PEA15: variants seen among roughly 807,000 people sequenced by gnomAD.
PEA15 encodes astrocytic phosphoprotein PEA-15.
For synonymous variants in PEA15, 60 were observed against 61.8 expected, an observed-to-expected ratio of 0.97 and a Z score of 0.13; for missense variants, 77 against 161.3, an observed-to-expected ratio of 0.48 and a Z score of 2.83.
At position 160,213,659 on chromosome 1, in the gene PEA15, A is replaced by G. The variant is rs1238643697; in HGVS notation, c.*173A>G. 8.7e-6 allele frequency: 3 copies of G among 344,038 alleles called. No homozygotes were observed. In the East Asian group the frequency reaches 2.5e-4, roughly 28 times the overall value. 21.3% of individuals were successfully genotyped at this position (344,038 alleles called of 1,614,324 possible). A position where few individuals can be genotyped will look rare whatever the true frequency, so the allele number is the denominator to read the frequency against. On this transcript the variant is annotated 3_prime_UTR_variant, in exon 4 of 4. Coordinates refer to ENST00000360472, the MANE Select transcript of PEA15 (RefSeq NM_003768.5). The surrounding 1 kb of genome is among the most constrained non-coding windows in gnomAD (Gnocchi z 5.3). ...GCGCACGCTCTGGCTGTTTGTCTATATGTCTAGCTCATCTAGTTCCTCTTC... is the reference window on the plus strand; with the variant it reads ...GCGCACGCTCTGGCTGTTTGTCTATGTGTCTAGCTCATCTAGTTCCTCTTC...
At position 160,208,420 on chromosome 1, in the gene PEA15, C is replaced by G. The variant is rs1030275784; in HGVS notation, c.-3+2898C>G. The G allele has an allele frequency of 6.8e-6, 4 of 591,968 alleles. No homozygotes were observed. Among genetic ancestry groups the G allele is most frequent in the Non-Finnish European group, 1.2e-5 (4 of 333,502 alleles). 36.7% of individuals were successfully genotyped at this position (591,968 alleles called of 1,614,324 possible). On this transcript the variant is annotated intron_variant, in intron 1 of 3. Transcript: ENST00000360472. This position sits in a 1 kb window ranked among gnomAD's most constrained non-coding sequence, Gnocchi z 4.1. ...GGAAGAGGACTGACTTCCTGGCAGC[C>G]GGGGCTCCGGTTCCTGATTCCTGCC... is the stretch of plus-strand genomic sequence containing the variant.
Position 160,213,702 on chromosome 1 carries a change from A to AG in PEA15, c.*220dup. On this transcript the variant is annotated 3_prime_UTR_variant, in exon 4 of 4. Transcript: ENST00000360472. The surrounding 1 kb of genome is among the most constrained non-coding windows in gnomAD (Gnocchi z 5.3). ...TCCTCTTCTTAAGGGGATGGGGGTCAGGGGCTAGGGGAGGGGGCTGAGTTT... is the reference window on the plus strand; with the variant it reads ...TCCTCTTCTTAAGGGGATGGGGGTCAGGGGGCTAGGGGAGGGGGCTGAGTTT... 4 of 203,100 alleles carry AG rather than the reference A, an allele frequency of 2.0e-5. No homozygotes were observed. The highest frequency in any genetic ancestry group is 2.8e-5 in the Non-Finnish European group (3 of 105,304). 12.6% of individuals were successfully genotyped at this position (203,100 alleles called of 1,614,324 possible).
chr1:160,207,689 C>T (rs1654659785), intron 1 of PEA15, among the ~76,000 whole-genome samples: 2 of 152,150 alleles, frequency 1.3e-5, no homozygotes, highest in African/African-American at 4.8e-5. Context: ...ACAACCCCCT[C>T]CTCCCCCACA....
At position 160,214,915 on chromosome 1, in the gene PEA15, G is replaced by C. The variant is rs1655043248; in HGVS notation, c.*1429G>C. On this transcript the variant is annotated 3_prime_UTR_variant, in exon 4 of 4. Coordinates refer to ENST00000360472, the MANE Select transcript of PEA15 (RefSeq NM_003768.5). ...AGGAAGAAGCCAGACTGGTTAGACAGTACTCTTAACTCCTAGCCCAGCCTA... is the reference window on the plus strand; with the variant it reads ...AGGAAGAAGCCAGACTGGTTAGACACTACTCTTAACTCCTAGCCCAGCCTA... The C allele has an allele frequency of 6.5e-6, 1 of 152,716 alleles. No homozygotes were observed. Among genetic ancestry groups the C allele is most frequent in the Non-Finnish European group, 1.5e-5 (1 of 68,106 alleles). The allele number at this position is 152,716 out of a possible 1,614,324, so 9.5% of individuals were successfully genotyped here. A position where few individuals can be genotyped will look rare whatever the true frequency, so the allele number is the denominator to read the frequency against.
Position 160,208,837 on chromosome 1 carries a change from T to A in PEA15, c.-2-2706T>A. ...TATTCCTATCCTTTCTGTCCCTTCT[T>A]ACTCACCATTCCCTACACTCCTCCC... On this transcript the variant is annotated intron_variant, in intron 1 of 3. Transcript: ENST00000360472. The surrounding 1 kb of genome is among the most constrained non-coding windows in gnomAD (Gnocchi z 4.1). The A allele has an allele frequency of 1.7e-6, 1 of 590,844 alleles. No individual in the cohort carries two copies. Among genetic ancestry groups the A allele is most frequent in the Non-Finnish European group, 3.0e-6 (1 of 331,370 alleles). The allele number at this position is 590,844 out of a possible 1,614,324, so 36.6% of individuals were successfully genotyped here.
In PEA15 at chr1:160,213,685, T is replaced by C; in HGVS notation, c.*199T>C. The C allele has an allele frequency of 2.0e-6, 1 of 501,712 alleles. No individual in the cohort carries two copies. The highest frequency in any genetic ancestry group is 2.2e-5 in the South Asian group (1 of 45,098). 31.1% of individuals were successfully genotyped at this position (501,712 alleles called of 1,614,324 possible). Reference sequence around the variant, plus strand: ...TGTCTAGCTCATCTAGTTCCTCTTCTTAAGGGGATGGGGGTCAGGGGCTAG... The same window carrying C: ...TGTCTAGCTCATCTAGTTCCTCTTCCTAAGGGGATGGGGGTCAGGGGCTAG... On this transcript the variant is annotated 3_prime_UTR_variant, in exon 4 of 4. Transcript: ENST00000360472. This position sits in a 1 kb window ranked among gnomAD's most constrained non-coding sequence, Gnocchi z 5.3.
chr1:160,212,505 A>G (rs1367693748), intron 2 of PEA15, among the ~76,000 whole-genome samples: 1 of 152,096 alleles, frequency 6.6e-6, no homozygotes, highest in African/African-American at 2.4e-5. Context: ...AGAACGTATA[A>G]AGGAGGACGT....
chr1:160,209,477 TTA>T (rs1485189248), intron 1 of PEA15, among the ~76,000 whole-genome samples: 1 of 152,006 alleles, frequency 6.6e-6, no homozygotes, highest in African/African-American at 2.4e-5. Context: ...TAGATCTGTT[TTA>T]GATTCAAAGC....
chr1:160,213,978 G>T lies in PEA15; in HGVS notation c.*492G>T. ...CTGGAAGGGGCAAAGAAAAGCCAGAGTTCCATGTTTGTACTCCTGTGCTGG... is the reference window on the plus strand; with the variant it reads ...CTGGAAGGGGCAAAGAAAAGCCAGATTTCCATGTTTGTACTCCTGTGCTGG... On this transcript the variant is annotated 3_prime_UTR_variant, in exon 4 of 4. Transcript: ENST00000360472. This position sits in a 1 kb window ranked among gnomAD's most constrained non-coding sequence, Gnocchi z 5.3. 1 of 178,368 alleles carries T rather than the reference G, an allele frequency of 5.6e-6. No individual in the cohort carries two copies. The highest frequency in any genetic ancestry group is 1.2e-5 in the Non-Finnish European group (1 of 82,350). The allele number at this position is 178,368 out of a possible 1,614,324, so 11.0% of individuals were successfully genotyped here.
In PEA15 at chr1:160,208,875, C is replaced by A; in HGVS notation, c.-2-2668C>A. 2.7e-5 allele frequency: 15 copies of A among 546,184 alleles called. No homozygotes were observed. The highest frequency in any genetic ancestry group is 3.6e-5 in the Non-Finnish European group (11 of 305,096). 33.8% of individuals were successfully genotyped at this position (546,184 alleles called of 1,614,324 possible). On this transcript the variant is annotated intron_variant, in intron 1 of 3. Coordinates refer to ENST00000360472, the MANE Select transcript of PEA15 (RefSeq NM_003768.5). This position sits in a 1 kb window ranked among gnomAD's most constrained non-coding sequence, Gnocchi z 4.1. ...CTACACTCCTCCCATCTAGTGGTGT[C>A]ATCCTAACGACTGGGGGTGGGGGGC... is the stretch of plus-strand genomic sequence containing the variant.
At chr1:160,211,483 G>A in intron 1 of PEA15, 60 bp from the exon 2 acceptor site, 1 of 1,513,196 alleles carries the variant, frequency 6.6e-7, no homozygotes. Flanking sequence ...GTGCCAGTGA[G>A]TAAACCAGAC....
Position 160,213,481 on chromosome 1 carries a change from G to A in PEA15, c.388G>A (p.Ala130Thr), listed in dbSNP as rs1654962000. The A allele has an allele frequency of 3.1e-6, 5 of 1,613,940 alleles. No individual in the cohort carries two copies. Among genetic ancestry groups the A allele is most frequent in the Non-Finnish European group, 4.2e-6 (5 of 1,179,878 alleles). The part of the protein sequence containing the change: ...IIKLAPPPKK[A>T] ...CAAATTGGCTCCCCCACCGAAGAAGGCCTGAGCAAGGGGGAGGAAGAGGAG... is the reference window on the plus strand; with the variant it reads ...CAAATTGGCTCCCCCACCGAAGAAGACCTGAGCAAGGGGGAGGAAGAGGAG... The change falls in exon 4 of 4, where the codon GCC (alanine) becomes ACC (threonine). Residue 130 changes from alanine (A) to threonine (T), a missense_variant. Transcript: ENST00000360472. The surrounding 1 kb of genome is among the most constrained non-coding windows in gnomAD (Gnocchi z 5.3).
chr1:160,212,553 G>A (rs1358713995), intron 2 of PEA15, among the ~76,000 whole-genome samples: 3 of 152,060 alleles, frequency 2.0e-5, no homozygotes, highest in Non-Finnish European at 2.9e-5. Context: ...CAGAGGGGAG[G>A]AGCCAGGGAA....
In PEA15 at chr1:160,211,557, G is replaced by A. The variant is rs774058772; in HGVS notation, c.13G>A (p.Gly5Arg). 3.4e-5 allele frequency: 55 copies of A among 1,612,380 alleles called. No individual in the cohort carries two copies. Among genetic ancestry groups the A allele is most frequent in the Non-Finnish European group, 4.4e-5 (52 of 1,178,932 alleles). MAEY[G>R]TLLQDLTNNI... ...CCCAACCCCAGTCATGGCTGAGTAC[G>A]GGACCCTCCTGCAAGACCTGACCAA... The change falls in exon 2 of 4, where the codon GGG (glycine) becomes AGG (arginine). Residue 5 changes from glycine (G) to arginine (R), a missense_variant. Transcript: ENST00000360472.
rs74611785 is a variant in PEA15 at position 160,213,050 on chromosome 1, G to A, written c.173-60G>A. On this transcript the variant is annotated intron_variant, in intron 2 of 3. Transcript: ENST00000360472. This position sits in a 1 kb window ranked among gnomAD's most constrained non-coding sequence, Gnocchi z 5.3. ...TTTGGTTCCAGGTCACTAGTCTGGT[G>A]GAGTAGGGGAAGCTGACCTCTACAG... 1.7e-3 allele frequency: 2,706 copies of A among 1,574,372 alleles called. 39 individuals are homozygous for A. In the East Asian group the frequency reaches 0.035, roughly 20 times the overall value.
intron 1 of PEA15, among the ~76,000 whole-genome samples, chr1:160,210,656 G>T (rs576346734): frequency 2.6e-5 from 4 of 152,270 alleles, no homozygotes; most frequent in South Asian, 4.1e-4. Flanking sequence ...ATACGAGAAG[G>T]GGGGGCAGTC....
At position 160,208,893 on chromosome 1, in the gene PEA15, TG is replaced by T. The variant is rs1654725312; in HGVS notation, c.-2-2644del. On this transcript the variant is annotated intron_variant, in intron 1 of 3. Transcript: ENST00000360472. This position sits in a 1 kb window ranked among gnomAD's most constrained non-coding sequence, Gnocchi z 4.1. Reference sequence around the variant, plus strand: ...GTGGTGTCATCCTAACGACTGGGGGTGGGGGGCACCCAGAACTGAGGTTGCT... The same window carrying T: ...GTGGTGTCATCCTAACGACTGGGGGTGGGGGCACCCAGAACTGAGGTTGCT... The T allele has an allele frequency of 9.2e-6, 5 of 543,782 alleles. No individual in the cohort carries two copies. Among genetic ancestry groups the T allele is most frequent in the East Asian group, 3.1e-5 (1 of 32,786 alleles). The allele number at this position is 543,782 out of a possible 1,614,324, so 33.7% of individuals were successfully genotyped here. A position where few individuals can be genotyped will look rare whatever the true frequency, so the allele number is the denominator to read the frequency against.
At position 160,208,805 on chromosome 1, in the gene PEA15, G is replaced by C. The variant is rs1654719998; in HGVS notation, c.-2-2738G>C. 1.4e-6 allele frequency: 1 copy of C among 691,608 alleles called. No homozygotes were observed. The highest frequency in any genetic ancestry group is 2.5e-6 in the Non-Finnish European group (1 of 394,776). The allele number at this position is 691,608 out of a possible 1,614,324, so 42.8% of individuals were successfully genotyped here. A position where few individuals can be genotyped will look rare whatever the true frequency, so the allele number is the denominator to read the frequency against. On this transcript the variant is annotated intron_variant, in intron 1 of 3. Coordinates refer to ENST00000360472, the MANE Select transcript of PEA15 (RefSeq NM_003768.5). The surrounding 1 kb of genome is among the most constrained non-coding windows in gnomAD (Gnocchi z 4.1). ...GGGCTGCCTTTCCTTGTACCGTCAG[G>C]GGGCCTTATTCCTATCCTTTCTGTC...
chr1:160,210,386 C>T (rs1223757255), intron 1 of PEA15, among the ~76,000 whole-genome samples: 1 of 152,210 alleles, frequency 6.6e-6, no homozygotes, highest in African/African-American at 2.4e-5. Flanking sequence ...GAAATAGATA[C>T]TCATTGTGGA....
Sources: gnomAD v4.1 joint callset for allele counts (sites outside exome capture counted in the v4.1 genomes callset) on GRCh38, gnomAD v4.1.1 for gene constraint, Gnocchi (gnomAD v3.1) non-coding constraint, MANE v1.5 for transcripts, NCBI Gene and HGNC (gene_info 2026-07-23, HGNC 2026-07-21) for gene names.